Variants in CEP126 observed in about 807,000 individuals in gnomAD.
CEP126 encodes centrosomal protein of 126 kDa.
A neutral mutation model predicts 107.8 loss-of-function variants in CEP126; 74 were observed. That is an observed-to-expected ratio of 0.69 (90% confidence interval 0.57 to 0.83). The LOEUF (loss-of-function observed/expected upper bound fraction) is 0.83, where lower values mean the gene tolerates loss of function less well. CEP126 is among the 40% of genes least tolerant of loss of function. The probability of loss-of-function intolerance (pLI) is 0.00; values close to 1 mark genes in which losing one functional copy is unlikely to be tolerated. For missense variants in CEP126, 1,237 were observed against 1,281.9 expected (o/e 0.96, Z 0.53); for synonymous variants, 449 against 446.0 (o/e 1.01, Z -0.08).
At chr11:101,989,539 G>A (rs1272825369) in intron 9 of CEP126, among the ~76,000 whole-genome samples, 2 of 152,190 alleles carry the variant, frequency 1.3e-5, no homozygotes, top group East Asian at 3.8e-4. Flanking sequence ...CGCCTAAAAT[G>A]TAGAAGGCCA....
chr11:101,972,238 A>G (rs188510288), intron 6 of CEP126, among the ~76,000 whole-genome samples: 161 of 150,972 alleles, frequency 1.1e-3, no homozygotes, highest in African/African-American at 3.6e-3. Flanking sequence ...CATCCTGGCT[A>G]ACACTGTGAA....
intron 9 of CEP126, among the ~76,000 whole-genome samples, chr11:101,989,220 A>G (rs747302756): frequency 1.4e-4 from 21 of 152,176 alleles, no homozygotes; most frequent in Admixed American, 1.3e-4. Flanking sequence ...AAAAAAAATA[A>G]TAGGAATTTC....
At chr11:101,966,695 A>G (rs993556614) in intron 6 of CEP126, among the ~76,000 whole-genome samples, 4 of 152,140 alleles carry the variant, frequency 2.6e-5, no homozygotes, top group Non-Finnish European at 5.9e-5. Flanking sequence ...ATAACTTTCT[A>G]TACAATTCTG....
intron 2 of CEP126, among the ~76,000 whole-genome samples, chr11:101,930,610 A>G (rs1445140985): frequency 1.3e-5 from 2 of 152,192 alleles, no homozygotes; most frequent in Non-Finnish European, 2.9e-5. Flanking sequence ...TCTGGTGGCC[A>G]GCTTTTATCC....
intron 7 of CEP126, among the ~76,000 whole-genome samples, chr11:101,981,610 A>G (rs774070770): frequency 1.2e-4 from 18 of 152,132 alleles, no homozygotes; most frequent in South Asian, 4.1e-4. Context: ...ACTTTTGATT[A>G]CCATCCAACT....
intron 6 of CEP126, among the ~76,000 whole-genome samples, chr11:101,970,096 T>C (rs977582936): frequency 6.6e-6 from 1 of 152,162 alleles, no homozygotes; most frequent in Non-Finnish European, 1.5e-5. Flanking sequence ...ACTATTTTCA[T>C]CCAAAAAACC....
At position 101,998,237 on chromosome 11, in the gene CEP126, T is replaced by C. The variant is rs1192527720; in HGVS notation, c.*594T>C. 1 of 152,184 alleles carries C rather than the reference T, an allele frequency of 6.6e-6. No individual in the cohort carries two copies. The highest frequency in any genetic ancestry group is 1.5e-5 in the Non-Finnish European group (1 of 68,066). The allele number at this position is 152,184 out of a possible 1,614,324, so 9.4% of individuals were successfully genotyped here. ...ATTACATCGATTCTTCCAAATTTCATATTTCATACATGGCACTTTGGCATA... is the reference window on the plus strand; with the variant it reads ...ATTACATCGATTCTTCCAAATTTCACATTTCATACATGGCACTTTGGCATA... On this transcript the variant is annotated 3_prime_UTR_variant, in exon 11 of 11. Transcript: ENST00000263468.
chr11:101,972,023 C>G (rs1219619931), intron 6 of CEP126, among the ~76,000 whole-genome samples: 2 of 147,570 alleles, frequency 1.4e-5, no homozygotes, highest in Admixed American at 1.3e-4. Context: ...GCAGGAGAAT[C>G]GCTTCAATCA....
At position 101,964,611 on chromosome 11, in the gene CEP126, C is replaced by T. The variant is rs77580506; in HGVS notation, c.2845+731C>T. ...AAGGTGGTGCACCACTGCACTCCAG[C>T]CTGGGCAACAGAGCCAGACTCTATC... On this transcript the variant is annotated intron_variant, in intron 6 of 10. Coordinates refer to ENST00000263468, the MANE Select transcript of CEP126 (RefSeq NM_020802.4). Among the ~76,000 whole-genome samples the T allele has an allele frequency of 0.012, 1,864 of 151,524 alleles. 219 individuals carry two copies. In the East Asian group the frequency reaches 0.29, roughly 24 times the overall value.
intron 2 of CEP126, among the ~76,000 whole-genome samples, chr11:101,927,224 C>T (rs968150851): frequency 1.4e-4 from 21 of 152,134 alleles, no homozygotes; most frequent in Admixed American, 1.3e-3. Flanking sequence ...ATCTCCTGAA[C>T]CTGGGAGGCA....
At chr11:101,918,222 C>G (rs2137075540) in intron 1 of CEP126, among the ~76,000 whole-genome samples, 1 of 152,242 alleles carries the variant, frequency 6.6e-6, no homozygotes. Context: ...CCGAGGTAGG[C>G]AGATTGCTTG....
chr11:101,961,182 G>A (rs1248637181), intron 5 of CEP126, among the ~76,000 whole-genome samples: 3 of 151,906 alleles, frequency 2.0e-5, no homozygotes, highest in Non-Finnish European at 4.4e-5. Flanking sequence ...AAATCAGCAG[G>A]ACCCAGGTAT....
intron 9 of CEP126, among the ~76,000 whole-genome samples, chr11:101,989,946 T>C (rs1023880985): frequency 6.6e-6 from 1 of 150,734 alleles, no homozygotes; most frequent in African/African-American, 2.5e-5. Context: ...GGCGACAGAG[T>C]GAGACTCCAT....
rs754752744 is a variant in CEP126 at position 101,915,349 on chromosome 11, A to G, written c.65A>G (p.Asn22Ser). ...VGELGTESSD[N>S]LDRAPLGPRE... ...GAACTGGGCACTGAATCATCGGACA[A>G]CCTCGACAGAGCCCCCCTCGGCCCT... The change falls in exon 1 of 11, where the codon AAC becomes AGC. Residue 22 changes from asparagine (N) to serine (S), a missense_variant. Around this residue, in one of 3 missense-constraint regions of CEP126, gnomAD observed 1,134 missense variants for 1,150.5 expected, o/e 0.99. Transcript: ENST00000263468. 14 of 1,613,724 alleles carry G rather than the reference A, an allele frequency of 8.7e-6. No homozygotes were observed. Among genetic ancestry groups the G allele is most frequent in the Admixed American group, 1.7e-5 (1 of 60,012 alleles).
intron 3 of CEP126, among the ~76,000 whole-genome samples, 158 bp downstream of exon 3, chr11:101,944,568 A>G (rs921669287): frequency 1.3e-5 from 2 of 152,192 alleles, no homozygotes; most frequent in South Asian, 2.1e-4. Context: ...AAAATAGTCA[A>G]TTGATTTAGG....
At chr11:101,926,259 CG>C (rs2137081690) in intron 2 of CEP126, among the ~76,000 whole-genome samples, 1 of 152,082 alleles carries the variant, frequency 6.6e-6, no homozygotes, top group African/African-American at 2.4e-5. Flanking sequence ...CAAAGTCTCT[CG>C]TATTAGTTAA....
chr11:101,977,488 TG>T (rs1179784748), intron 6 of CEP126, among the ~76,000 whole-genome samples: 2 of 151,364 alleles, frequency 1.3e-5, no homozygotes, highest in Non-Finnish European at 2.9e-5. Context: ...AAAATTAGCT[TG>T]GCATGGTGGC....
chr11:101,938,172 AAAAAT>A lies in CEP126; in HGVS notation c.249-6091_249-6087del, dbSNP rs1378230322. On this transcript the variant is annotated intron_variant, in intron 2 of 10. Coordinates refer to ENST00000263468, the MANE Select transcript of CEP126 (RefSeq NM_020802.4). ...GAGACTCTGTCTCAAAAAAAAAAAA[AAAAAT>A]ACAAGAAATTGGTCCATTTTACCTA... Among the ~76,000 whole-genome samples the A allele has an allele frequency of 3.2e-4, 46 of 143,194 alleles. 11 individuals are homozygous for A. Among genetic ancestry groups the A allele is most frequent in the Admixed American group, 7.6e-4 (11 of 14,530 alleles). The allele number at this position is 143,194 out of a possible 152,430, so 93.9% of individuals were successfully genotyped here.
chr11:101,927,678 CT>C (rs1301827612), intron 2 of CEP126, among the ~76,000 whole-genome samples: 3 of 152,174 alleles, frequency 2.0e-5, no homozygotes, highest in Admixed American at 2.0e-4. Context: ...TGAGGATTGA[CT>C]TTTCTCAGTA....
Sources: allele counts gnomAD v4.1 joint callset (sites outside exome capture counted in the v4.1 genomes callset), GRCh38; gene constraint gnomAD v4.1.1; regional missense constraint gnomAD v4.1.1; transcripts MANE v1.5; gene names NCBI Gene and HGNC (gene_info 2026-07-23, HGNC 2026-07-21).